The following SUPT4H1 variants were observed in gnomAD, a reference collection of about 807,000 sequenced individuals.
The protein encoded by SUPT4H1 is SPT4 homolog, DSIF elongation factor subunit.
In SUPT4H1, 12 loss-of-function variants were observed where a neutral mutation model predicts 19.4. The ratio of observed to expected loss-of-function variants is 0.62; its 90% CI spans 0.40 to 1.00. The LOEUF (loss-of-function observed/expected upper bound fraction) is 1.00, where lower values mean the gene tolerates loss of function less well. SUPT4H1 is among the 50% of genes least tolerant of loss of function. The pLI is 0.00. For missense variants in SUPT4H1, 115 were observed against 149.2 expected, an observed-to-expected ratio of 0.77 and a Z score of 1.19; for synonymous variants, 58 against 56.3, an observed-to-expected ratio of 1.03 and a Z score of -0.14.
chr17:58,351,469 C>T lies in SUPT4H1; in HGVS notation c.109G>A (p.Asp37Asn). 1 of 1,613,874 alleles carries T rather than the reference C, an allele frequency of 6.2e-7. No individual in the cohort carries two copies. The highest frequency in any genetic ancestry group is 8.5e-7 in the Non-Finnish European group (1 of 1,179,864). The change falls in exon 2 of 5, where the codon GAT becomes AAT. Residue 37 changes from aspartate to asparagine, a missense_variant. Asp to Asn is a conservative substitution (Grantham distance 23). Coordinates refer to ENST00000225504, the MANE Select transcript of SUPT4H1 (RefSeq NM_003168.3). The stretch of plus-strand genomic sequence containing the variant: ...TTACCCTTCATTTGTAGATATGCAT[C>T]ACAATTGTCACAACCATCATATTCA... ...QFEYDGCDNC[D>N]AYLQMKGNRE...
chr17:58,346,303 C>T lies in SUPT4H1; in HGVS notation c.297G>A (p.Arg99=). 1 of 1,613,950 alleles carries T rather than the reference C, an allele frequency of 6.2e-7. No individual in the cohort carries two copies. The highest frequency in any genetic ancestry group is 8.5e-7 in the Non-Finnish European group (1 of 1,179,900). ...VTGRLPQGIV[R]ELKSRGVAYK... is the part of the protein sequence containing the mutation. ...AGGCCACTCCTCGACTTTTCAGCTC[C>T]CGCACGATTCCTGAAGCAGGAAAAG... Residue 99 remains arginine (R), a synonymous_variant, in exon 5 of 5, where the codon CGG becomes CGA. Coordinates refer to ENST00000225504, the MANE Select transcript of SUPT4H1 (RefSeq NM_003168.3).
At chr17:58,348,327 C>G (rs1972368431) in intron 2 of SUPT4H1, among the ~76,000 whole-genome samples, 1 of 152,200 alleles carries the variant, frequency 6.6e-6, no homozygotes, top group South Asian at 2.1e-4. Flanking sequence ...GGTGTAAGCA[C>G]TGACATTTGT....
intron 1 of SUPT4H1, 98 bp from the exon 2 acceptor site, chr17:58,351,606 T>G: frequency 1.2e-6 from 1 of 802,966 alleles, no homozygotes. Flanking sequence ...CTCAATTTCT[T>G]GTTTCCCTAT....
chr17:58,346,443 G>T, intron 4 of SUPT4H1, 130 bp from the exon 5 acceptor site: 1 of 725,530 alleles, frequency 1.4e-6, no homozygotes, highest in South Asian at 1.5e-5. Context: ...TCGTCTGCTT[G>T]GCCAGGCACG....
At chr17:58,349,038 CTAT>C (rs1229082808) in intron 2 of SUPT4H1, among the ~76,000 whole-genome samples, 1 of 152,142 alleles carries the variant, frequency 6.6e-6, no homozygotes, top group East Asian at 1.9e-4. Context: ...ATCAGGATGG[CTAT>C]TATTAATAAA....
At chr17:58,351,957 T>C in intron 1 of SUPT4H1, 110 bp downstream of exon 1, 1 of 1,178,966 alleles carries the variant, frequency 8.5e-7, no homozygotes, top group Non-Finnish European at 1.2e-6. Context: ...CCCTGCCACC[T>C]CTGAGTTCTG....
chr17:58,350,202 G>A (rs1972445475), intron 2 of SUPT4H1, among the ~76,000 whole-genome samples: 1 of 151,430 alleles, frequency 6.6e-6, no homozygotes, highest in South Asian at 2.1e-4. Context: ...AGGAGGCGGA[G>A]GTTGCAGTGA....
chr17:58,351,293 C>A (rs1035319608), intron 2 of SUPT4H1, 109 bp downstream of exon 2: 10 of 674,064 alleles, frequency 1.5e-5, no homozygotes, highest in South Asian at 9.1e-5. Context: ...AAATAACCCC[C>A]AAAAACGAAT....
chr17:58,346,576 AGCC>A (rs1972296048), intron 4 of SUPT4H1, among the ~76,000 whole-genome samples: 5 of 152,072 alleles, frequency 3.3e-5, no homozygotes, highest in Admixed American at 2.0e-4. Flanking sequence ...TTTAAAAATT[AGCC>A]AGGTGTAGTG....
chr17:58,350,314 C>T (rs1972451015), intron 2 of SUPT4H1, among the ~76,000 whole-genome samples: 1 of 151,440 alleles, frequency 6.6e-6, no homozygotes, highest in African/African-American at 2.4e-5. Context: ...CAGTTCAAGA[C>T]CAGTCTGACC....
At position 58,345,835 on chromosome 17, in the gene SUPT4H1, G is replaced by A. The variant is rs1158318804; in HGVS notation, c.*411C>T. ...AAGAGGGAGTAGAAGGGCCTCTGCT[G>A]CTCTGGGAAGGTTCTTATAGGGCAA... On this transcript the variant is annotated 3_prime_UTR_variant, in exon 5 of 5. Coordinates refer to ENST00000225504, the MANE Select transcript of SUPT4H1 (RefSeq NM_003168.3). 1 of 162,912 alleles carries A rather than the reference G, an allele frequency of 6.1e-6. No individual in the cohort carries two copies. The highest frequency in any genetic ancestry group is 1.3e-5 in the Non-Finnish European group (1 of 74,286). 10.1% of individuals were successfully genotyped at this position (162,912 alleles called of 1,614,324 possible).
chr17:58,347,840 G>A (rs1205034349), intron 2 of SUPT4H1, among the ~76,000 whole-genome samples: 1 of 152,164 alleles, frequency 6.6e-6, no homozygotes, highest in African/African-American at 2.4e-5. Context: ...AACATCCTTA[G>A]CCTAACATTC....
chr17:58,347,253 GA>G lies in SUPT4H1; in HGVS notation c.233-13del, dbSNP rs1252882047. 6.2e-7 allele frequency: 1 copy of G among 1,612,970 alleles called. No homozygotes were observed. Among genetic ancestry groups the G allele is most frequent in the Non-Finnish European group, 8.5e-7 (1 of 1,179,680 alleles). On this transcript the variant is annotated splice_polypyrimidine_tract_variant and intron_variant, in intron 3 of 4. Coordinates refer to ENST00000225504, the MANE Select transcript of SUPT4H1 (RefSeq NM_003168.3). ...TGGCTTAAAGTTACCTGAGAGAGAA[GA>G]AAAAAGATACAAGATTACAGTGAAG...
intron 2 of SUPT4H1, among the ~76,000 whole-genome samples, chr17:58,349,955 CAGT>C (rs772868577): frequency 6.6e-5 from 10 of 152,180 alleles, no homozygotes; most frequent in South Asian, 2.1e-4. Flanking sequence ...GGTTGCACAA[CAGT>C]GAGTATGCAC....
intron 1 of SUPT4H1, 112 bp downstream of exon 1, chr17:58,351,955 C>T: frequency 2.6e-6 from 3 of 1,150,790 alleles, no homozygotes; most frequent in Non-Finnish European, 2.5e-6. Context: ...CCCCCTGCCA[C>T]CTCTGAGTTC....
In SUPT4H1 at chr17:58,346,109, G is replaced by T; in HGVS notation, c.*137C>A. 7 of 673,030 alleles carry T rather than the reference G, an allele frequency of 1.0e-5. No individual in the cohort carries two copies. The highest frequency in any genetic ancestry group is 2.4e-5 in the Admixed American group (1 of 41,552). The allele number at this position is 673,030 out of a possible 1,614,324, so 41.7% of individuals were successfully genotyped here. Reference sequence around the variant, plus strand: ...AAAGAAGATAAAATGATAAAATGATGTGCTGCTCTCTCAACAGTCAGCTGA... The same window carrying T: ...AAAGAAGATAAAATGATAAAATGATTTGCTGCTCTCTCAACAGTCAGCTGA... On this transcript the variant is annotated 3_prime_UTR_variant, in exon 5 of 5. Transcript: ENST00000225504.
At chr17:58,350,510 C>CAAATAAATAAAT (rs71143243) in intron 2 of SUPT4H1, among the ~76,000 whole-genome samples, 33,372 of 146,658 alleles carry the variant, frequency 0.23, 3,878 homozygotes, top group Non-Finnish European at 0.25. Context: ...GACTCCATCT[C>CAAATAAATAAAT]AAATAAATAA....
At position 58,351,388 on chromosome 17, in the gene SUPT4H1, C is replaced by T; in HGVS notation, c.176+14G>A. ...GTAATGCAGAAGTGAATGATGGAAA[C>T]TGAAGCGGCTTACCCATCAAAGGAA... On this transcript the variant is annotated intron_variant, in intron 2 of 4. Coordinates refer to ENST00000225504, the MANE Select transcript of SUPT4H1 (RefSeq NM_003168.3). 6.3e-7 allele frequency: 1 copy of T among 1,584,934 alleles called. No individual in the cohort carries two copies. Among genetic ancestry groups the T allele is most frequent in the Non-Finnish European group, 8.7e-7 (1 of 1,155,442 alleles).
Position 58,351,431 on chromosome 17 carries a change from T to C in SUPT4H1, c.147A>G (p.Val49=). 6.2e-7 allele frequency: 1 copy of C among 1,613,932 alleles called. No homozygotes were observed. ...YLQMKGNREM[V]YDCTSSSFDG... The stretch of plus-strand genomic sequence containing the variant: ...CAAAGGAAGAGCTAGTGCAGTCATA[T>C]ACCATCTCTCGGTTACCCTTCATTT... The change falls in exon 2 of 5, where the codon GTA becomes GTG. Residue 49 remains valine, a synonymous_variant. Coordinates refer to ENST00000225504, the MANE Select transcript of SUPT4H1 (RefSeq NM_003168.3).
Sources: gnomAD v4.1 joint callset for allele counts (sites outside exome capture counted in the v4.1 genomes callset) on GRCh38, gnomAD v4.1.1 for gene constraint, MANE v1.5 for transcripts, NCBI Gene and HGNC (gene_info 2026-07-23, HGNC 2026-07-21) for gene names.